Variants in PRKACB observed in about 807,000 individuals in gnomAD.
PRKACB encodes cAMP-dependent protein kinase catalytic subunit beta.
PRKACB carries 16 observed loss-of-function variants against 51.4 expected under a neutral mutation model. The ratio of observed to expected loss-of-function variants is 0.31; its 90% CI spans 0.21 to 0.47. The LOEUF is 0.47. Among genes scored for constraint, PRKACB ranks in the 20% least tolerant of loss-of-function variants. The pLI, the probability that PRKACB is intolerant of heterozygous loss-of-function variation, is 1.00. For synonymous variants in PRKACB, 147 were observed against 154.4 expected (o/e 0.95, Z 0.35); for missense variants, 309 against 464.5 (o/e 0.67, Z 3.08).
Position 84,182,271 on chromosome 1 carries a change from G to A in PRKACB, c.321G>A (p.Leu107=), listed in dbSNP as rs1177450474. The part of the protein sequence containing the change: ...LGTGSFGRVM[L]VKHKATEQYY... ...CAGGTTCATTTGGAAGAGTCATGTT[G>A]GTAAAACACAAAGCCACTGAACAGT... The change falls in exon 3 of 10, where the codon TTG becomes TTA. Residue 107 remains leucine, a synonymous_variant. Coordinates refer to ENST00000370685, the MANE Select transcript of PRKACB (RefSeq NM_182948.4). 1.9e-6 allele frequency: 3 copies of A among 1,602,924 alleles called. No individual in the cohort carries two copies. The highest frequency in any genetic ancestry group is 2.2e-5 in the South Asian group (2 of 89,102).
chr1:84,191,241 C>T (rs1666711953), intron 5 of PRKACB, among the ~76,000 whole-genome samples: 2 of 152,026 alleles, frequency 1.3e-5, no homozygotes, highest in Non-Finnish European at 2.9e-5. Flanking sequence ...TTAGTGTTTG[C>T]TTGGTGTCTG....
At chr1:84,167,746 C>T (rs767190037) in intron 1 of PRKACB, among the ~76,000 whole-genome samples, 3 of 151,474 alleles carry the variant, frequency 2.0e-5, no homozygotes, top group Non-Finnish European at 4.4e-5. Flanking sequence ...AGTTCCCTTA[C>T]ATTGCCAGTG....
Position 84,144,501 on chromosome 1 carries a change from A to G in PRKACB, c.140A>G (p.Asn47Ser). ...CATGATCAGAAAACAGCTCTGGAAA[A>G]TGACAGCCTTCATTTCTCTGAACAT... is the stretch of plus-strand genomic sequence containing the variant. ...TAHDQKTALENDSLHFSEHTA... is the reference protein window; with the variant it reads ...TAHDQKTALESDSLHFSEHTA... Residue 47 changes from asparagine (N) to serine (S), a missense_variant, in exon 1 of 10, where the codon AAT (asparagine) becomes AGT (serine). Physicochemically the swap from Asn to Ser is conservative, Grantham distance 46. Transcript: ENST00000370685. The G allele has an allele frequency of 6.2e-7, 1 of 1,610,870 alleles. No individual in the cohort carries two copies. Among genetic ancestry groups the G allele is most frequent in the Non-Finnish European group, 8.5e-7 (1 of 1,178,952 alleles).
intron 1 of PRKACB, among the ~76,000 whole-genome samples, chr1:84,079,854 CAG>C (rs1647387497): frequency 6.6e-6 from 1 of 152,044 alleles, no homozygotes; most frequent in African/African-American, 2.4e-5. Flanking sequence ...TTAGTAGAGA[CAG>C]AGTTTCACCA....
At chr1:84,188,828 G>A (rs570976213) in intron 5 of PRKACB, among the ~76,000 whole-genome samples, 87 of 151,862 alleles carry the variant, frequency 5.7e-4, no homozygotes, top group African/African-American at 1.8e-3. Flanking sequence ...TTTGATTTTT[G>A]GGAAGTTTGT....
chr1:84,093,299 G>T (rs538677271), intron 1 of PRKACB, among the ~76,000 whole-genome samples: 1 of 151,628 alleles, frequency 6.6e-6, no homozygotes, highest in East Asian at 1.9e-4. Flanking sequence ...CTCTGTGTAT[G>T]CGCTTCTGTG....
chr1:84,197,712 C>G lies in PRKACB; in HGVS notation c.688-17C>G. The G allele has an allele frequency of 6.4e-7, 1 of 1,550,900 alleles. No homozygotes were observed. ...GAGGTAATACATTTTCACTAGTATTCTTTTTTTCTTTTATAGGTCACAGAC... is the reference window on the plus strand; with the variant it reads ...GAGGTAATACATTTTCACTAGTATTGTTTTTTTCTTTTATAGGTCACAGAC... On this transcript the variant is annotated splice_polypyrimidine_tract_variant and intron_variant, in intron 6 of 9. Transcript: ENST00000370685.
chr1:84,177,190 AT>A (rs2100912397), intron 1 of PRKACB, among the ~76,000 whole-genome samples: 1 of 152,184 alleles, frequency 6.6e-6, no homozygotes, highest in South Asian at 2.1e-4. Flanking sequence ...ATAACTAAAA[AT>A]ATTTTTCAGA....
chr1:84,219,099 A>G (rs1198344446), intron 9 of PRKACB, among the ~76,000 whole-genome samples: 1 of 151,064 alleles, frequency 6.6e-6, no homozygotes, highest in Non-Finnish European at 1.5e-5. Context: ...TTGTCTCTTT[A>G]CTCTTTTGAA....
At chr1:84,204,145 C>T (rs41301166) in intron 8 of PRKACB, among the ~76,000 whole-genome samples, 3 of 151,926 alleles carry the variant, frequency 2.0e-5, no homozygotes, top group Non-Finnish European at 4.4e-5. Context: ...GTATTGTTCC[C>T]TATCTCATAG....
intron 1 of PRKACB, among the ~76,000 whole-genome samples, chr1:84,132,350 A>T (rs1306019619): frequency 1.3e-5 from 2 of 152,192 alleles, no homozygotes; most frequent in Non-Finnish European, 2.9e-5. Flanking sequence ...AGGATACTAG[A>T]GGAACTTGAA....
chr1:84,155,735 A>G (rs568877828), intron 1 of PRKACB, among the ~76,000 whole-genome samples: 1 of 152,314 alleles, frequency 6.6e-6, no homozygotes, highest in East Asian at 1.9e-4. Context: ...TCCTGAAACC[A>G]TGGTTGCTTT....
chr1:84,195,119 C>G (rs920110384), intron 5 of PRKACB, among the ~76,000 whole-genome samples: 9 of 152,058 alleles, frequency 5.9e-5, no homozygotes, highest in Admixed American at 5.9e-4. Context: ...CAGATGTTTC[C>G]CAGTTTAAGC....
chr1:84,162,316 T>A (rs1248842388), intron 1 of PRKACB, among the ~76,000 whole-genome samples: 1 of 152,068 alleles, frequency 6.6e-6, no homozygotes, highest in Non-Finnish European at 1.5e-5. Context: ...CTTGGATCCA[T>A]AGGTTACTGT....
chr1:84,118,799 A>G (rs2100874499), intron 1 of PRKACB, among the ~76,000 whole-genome samples: 1 of 152,216 alleles, frequency 6.6e-6, no homozygotes, highest in Admixed American at 6.6e-5. Flanking sequence ...TCTTCAGTTG[A>G]GGAAGGTGGG....
Position 84,136,198 on chromosome 1 carries a change from T to C in PRKACB, c.47-42979T>C, listed in dbSNP as rs1358699469. ...AAACTTACACAAGTGTAAATAAATC[T>C]GAATGCTTCTATAGCTTTTAAAAAT... is the stretch of plus-strand genomic sequence containing the variant. On this transcript the variant is annotated intron_variant, in intron 1 of 8. Transcript: ENST00000370688. Among the ~76,000 whole-genome samples, 7 of 148,036 alleles carry C rather than the reference T, an allele frequency of 4.7e-5. No individual in the cohort carries two copies. The South Asian group carries it at 1.6e-3, about 33-fold the overall frequency.
chr1:84,130,488 T>G (rs1246010047), intron 1 of PRKACB, among the ~76,000 whole-genome samples: 2 of 152,120 alleles, frequency 1.3e-5, no homozygotes, highest in African/African-American at 4.8e-5. Context: ...AGGAAAACAT[T>G]TGTTTAATAA....
chr1:84,132,070 A>G (rs909681927), intron 1 of PRKACB, among the ~76,000 whole-genome samples: 1 of 152,180 alleles, frequency 6.6e-6, no homozygotes, highest in Non-Finnish European at 1.5e-5. Context: ...AGCTCACTCT[A>G]GCCTTCCTGT....
At chr1:84,136,030 G>T (rs1652769830) in intron 1 of PRKACB, among the ~76,000 whole-genome samples, 1 of 151,884 alleles carries the variant, frequency 6.6e-6, no homozygotes, top group African/African-American at 2.4e-5. Context: ...AAAGAAGATA[G>T]AAATTACCAA....
Sources: allele counts gnomAD v4.1 joint callset (sites outside exome capture counted in the v4.1 genomes callset), GRCh38; gene constraint gnomAD v4.1.1; transcripts MANE v1.5; gene names NCBI Gene and HGNC (gene_info 2026-07-23, HGNC 2026-07-21).